The following WWOX variants were observed in gnomAD, a reference collection of about 807,000 sequenced individuals.
WWOX encodes WW domain-containing oxidoreductase.
WWOX carries 69 observed loss-of-function variants against 46.2 expected under a neutral mutation model. The observed-to-expected ratio is 1.49, with a 90% confidence interval of 1.23 to 1.82. The LOEUF (loss-of-function observed/expected upper bound fraction) is 1.82. WWOX is among the 40% of genes most tolerant of loss of function. The pLI is 0.00. For missense variants in WWOX, 919 were observed against 542.6 expected (o/e 1.69, Z -6.89); for synonymous variants, 359 against 202.6 (o/e 1.77, Z -6.56).
Position 78,432,557 on chromosome 16 carries a change from T to C in WWOX, c.861T>C (p.Tyr287=). 6.2e-7 allele frequency: 1 copy of C among 1,614,138 alleles called. No homozygotes were observed. The highest frequency in any genetic ancestry group is 1.1e-5 in the South Asian group (1 of 91,072). ...GCCTCTCTCCAACAAAAAACGACTA[T>C]TGGGCGATGCTGGCTTATAACAGGT... is the stretch of plus-strand genomic sequence containing the variant. The part of the protein sequence containing the change: ...FSRLSPTKND[Y]WAMLAYNRSK... The change falls in exon 8 of 9, where the codon TAT becomes TAC. Residue 287 remains tyrosine, a synonymous_variant. Coordinates refer to ENST00000566780, the MANE Select transcript of WWOX (RefSeq NM_016373.4).
chr16:79,070,471 C>A (rs542637404), intron 8 of WWOX, among the ~76,000 whole-genome samples: 1 of 152,184 alleles, frequency 6.6e-6, no homozygotes, highest in Non-Finnish European at 1.5e-5. Flanking sequence ...TTTTTACTCA[C>A]CACCGATGGA....
chr16:78,866,869 C>G (rs997941387), intron 8 of WWOX, among the ~76,000 whole-genome samples: 1 of 152,214 alleles, frequency 6.6e-6, no homozygotes, highest in Admixed American at 6.5e-5. Flanking sequence ...TGACCACACT[C>G]AGAAGCCAAG....
At chr16:79,086,605 G>A (rs2048858498) in intron 8 of WWOX, among the ~76,000 whole-genome samples, 1 of 152,196 alleles carries the variant, frequency 6.6e-6, no homozygotes, top group African/African-American at 2.4e-5. Context: ...TCCTGGCCAG[G>A]TGCAGTGGCT....
intron 6 of WWOX, among the ~76,000 whole-genome samples, chr16:78,411,319 G>A (rs2082675775): frequency 6.6e-6 from 1 of 152,080 alleles, no homozygotes; most frequent in Non-Finnish European, 1.5e-5. Context: ...ATATGCCATT[G>A]TGTGTTTATA....
intron 8 of WWOX, among the ~76,000 whole-genome samples, chr16:78,911,923 C>G (rs1252022494): frequency 6.6e-6 from 1 of 151,970 alleles, no homozygotes; most frequent in Non-Finnish European, 1.5e-5. Flanking sequence ...TTAGTGTGTG[C>G]AAGACTCATG....
At chr16:78,432,840 C>T (rs2083257811) in intron 8 of WWOX, 88 bp downstream of exon 8, 1 of 1,591,674 alleles carries the variant, frequency 6.3e-7, no homozygotes, top group South Asian at 1.1e-5. Flanking sequence ...CTCTTGCGGG[C>T]ATGAGTCTGG....
intron 5 of WWOX, among the ~76,000 whole-genome samples, chr16:78,370,721 C>T (rs1478330273): frequency 2.0e-5 from 3 of 149,926 alleles, no homozygotes; most frequent in Admixed American, 6.7e-5. Context: ...TGGTCTTCAC[C>T]ATCTGCCAAT....
intron 8 of WWOX, among the ~76,000 whole-genome samples, chr16:78,610,891 A>G (rs938849512): frequency 2.6e-5 from 4 of 152,168 alleles, no homozygotes; most frequent in Non-Finnish European, 4.4e-5. Flanking sequence ...AATTAATGAC[A>G]GGAAGCCTAC....
intron 8 of WWOX, among the ~76,000 whole-genome samples, chr16:79,132,616 A>G (rs1329895270): frequency 6.6e-6 from 1 of 151,844 alleles, no homozygotes; most frequent in Non-Finnish European, 1.5e-5. Context: ...TTTCCCTCAA[A>G]CATCGCTTTT....
intron 8 of WWOX, chr16:78,981,868 C>A (rs554945246): frequency 2.6e-5 from 4 of 152,134 alleles, no homozygotes; most frequent in African/African-American, 9.7e-5. Flanking sequence ...TTCCTGTGTC[C>A]ACTTTGCCAG....
chr16:78,242,422 A>T (rs16947309), intron 5 of WWOX, among the ~76,000 whole-genome samples: 2,262 of 152,348 alleles, frequency 0.015, 63 homozygotes, highest in African/African-American at 0.052. Context: ...CTAAATAAAT[A>T]TTCGGGCAAC....
intron 8 of WWOX, among the ~76,000 whole-genome samples, chr16:78,574,815 G>C (rs1030291599): frequency 4.0e-5 from 6 of 149,998 alleles, no homozygotes; most frequent in Non-Finnish European, 5.9e-5. Context: ...CAGTGAAGTG[G>C]GGAGGTGTTG....
At chr16:78,355,659 C>G in intron 5 of WWOX, 1 of 700,648 alleles carries the variant, frequency 1.4e-6, no homozygotes, top group South Asian at 1.3e-5. Context: ...AGATTACATA[C>G]TTATGATCAA....
intron 8 of WWOX, among the ~76,000 whole-genome samples, chr16:78,439,254 AG>A (rs912380951): frequency 6.6e-6 from 1 of 152,114 alleles, no homozygotes; most frequent in African/African-American, 2.4e-5. Context: ...CTCCTGAGTG[AG>A]GTTTGAATTT....
chr16:78,528,058 G>A (rs569724626), intron 8 of WWOX, among the ~76,000 whole-genome samples: 2 of 134,836 alleles, frequency 1.5e-5, no homozygotes, highest in East Asian at 4.5e-4. Flanking sequence ...GAGTGCAGTG[G>A]CGTAATCTCG....
chr16:78,729,826 C>G (rs1212697054), intron 8 of WWOX, among the ~76,000 whole-genome samples: 2 of 152,132 alleles, frequency 1.3e-5, no homozygotes, highest in Non-Finnish European at 2.9e-5. Context: ...GAGGCCTGAA[C>G]CTGCTATGCA....
At chr16:78,559,761 G>A (rs1248630710) in intron 8 of WWOX, among the ~76,000 whole-genome samples, 13 of 152,140 alleles carry the variant, frequency 8.5e-5, no homozygotes, top group African/African-American at 9.6e-5. Context: ...GACTTTAATC[G>A]TGTGAATGTA....
chr16:79,088,615 G>A (rs2048896994), intron 8 of WWOX, among the ~76,000 whole-genome samples: 1 of 152,180 alleles, frequency 6.6e-6, no homozygotes, highest in Admixed American at 6.5e-5. Context: ...CTCACTCCAT[G>A]GAGACCACTT....
At chr16:78,193,835 T>C (rs554042293) in intron 5 of WWOX, among the ~76,000 whole-genome samples, 2 of 150,446 alleles carry the variant, frequency 1.3e-5, no homozygotes, top group South Asian at 4.2e-4. Context: ...ATTATTATTA[T>C]TATTTTCAAT....
Sources: gnomAD v4.1 joint callset for allele counts (sites outside exome capture counted in the v4.1 genomes callset) on GRCh38, gnomAD v4.1.1 for gene constraint, MANE v1.5 for transcripts, NCBI Gene and HGNC (gene_info 2026-07-23, HGNC 2026-07-21) for gene names.